The following FAM168A variants were observed in gnomAD, a reference collection of about 807,000 sequenced individuals.
FAM168A encodes family with sequence similarity 168 member A.
Under a neutral mutation model 28.5 loss-of-function variants are expected in FAM168A, and 3 were observed. The observed-to-expected ratio is 0.11, with a 90% CI of 0.05 to 0.27. The LOEUF (loss-of-function observed/expected upper bound fraction) is 0.27, where lower values mean the gene tolerates loss of function less well. Ranked by LOEUF, FAM168A falls within the 10% of genes least tolerant of loss-of-function variation. The probability of loss-of-function intolerance (pLI) is 1.00; values close to 1 mark genes in which losing one functional copy is unlikely to be tolerated. For missense variants in FAM168A, 222 were observed against 311.5 expected (o/e 0.71, Z 2.16); for synonymous variants, 122 against 124.2 (o/e 0.98, Z 0.12).
chr11:73,439,197 C>T (rs1053823435), intron 2 of FAM168A, among the ~76,000 whole-genome samples: 1 of 152,094 alleles, frequency 6.6e-6, no homozygotes, highest in African/African-American at 2.4e-5. Context: ...CAAGGCCCAG[C>T]CACCCAGCCT....
At chr11:73,525,322 G>A (rs925883284) in intron 1 of FAM168A, among the ~76,000 whole-genome samples, 1 of 152,106 alleles carries the variant, frequency 6.6e-6, no homozygotes, top group African/African-American at 2.4e-5. Flanking sequence ...ACTGGGGAAA[G>A]GGACGTTCAA....
intron 1 of FAM168A, among the ~76,000 whole-genome samples, chr11:73,576,232 C>T (rs1944172860): frequency 6.6e-6 from 1 of 152,180 alleles, no homozygotes; most frequent in Non-Finnish European, 1.5e-5. Context: ...AAAAAACTGG[C>T]TCTGTTCTGG....
intron 1 of FAM168A, among the ~76,000 whole-genome samples, chr11:73,583,056 G>A (rs776895810): frequency 1.2e-4 from 18 of 152,138 alleles, no homozygotes; most frequent in Non-Finnish European, 1.6e-4. Context: ...TATAGTCCCA[G>A]CACCTTGGGA....
chr11:73,472,838 C>T (rs576005576), intron 1 of FAM168A, among the ~76,000 whole-genome samples: 37 of 152,214 alleles, frequency 2.4e-4, no homozygotes, highest in South Asian at 1.5e-3. Context: ...ATGCCATTTA[C>T]TGGTGAGAAC....
Position 73,494,526 on chromosome 11 carries a change from G to A in FAM168A, c.-18-26034C>T, listed in dbSNP as rs1164867893. ...CAGAAGGGCTCAGAAAAACCTGGCAGAACCACCCTTGTTTGATGCAGAGGC... is the reference window on the plus strand; with the variant it reads ...CAGAAGGGCTCAGAAAAACCTGGCAAAACCACCCTTGTTTGATGCAGAGGC... On this transcript the variant is annotated intron_variant, in intron 1 of 7. Coordinates refer to ENST00000356467, the MANE Select transcript of FAM168A (RefSeq NM_015159.3). 2.0e-5 allele frequency among the ~76,000 whole-genome samples: 3 copies of A among 152,322 alleles called. No homozygotes were observed. In the East Asian group the frequency reaches 5.8e-4, roughly 29 times the overall value.
intron 2 of FAM168A, among the ~76,000 whole-genome samples, chr11:73,440,688 T>C (rs1867177993): frequency 6.6e-6 from 1 of 152,078 alleles, no homozygotes; most frequent in Admixed American, 6.5e-5. Flanking sequence ...TCCCAGAGAA[T>C]ATCAGTATGA....
intron 1 of FAM168A, among the ~76,000 whole-genome samples, chr11:73,476,511 T>A (rs2134587325): frequency 6.6e-6 from 1 of 152,168 alleles, no homozygotes; most frequent in South Asian, 2.1e-4. Flanking sequence ...ATATATTATC[T>A]AAAATATGTA....
At chr11:73,543,379 G>A (rs539777491) in intron 1 of FAM168A, among the ~76,000 whole-genome samples, 41 of 149,096 alleles carry the variant, frequency 2.7e-4, no homozygotes, top group African/African-American at 9.9e-4. Flanking sequence ...TTCTGCCTCA[G>A]CCTCCCAACT....
At chr11:73,538,867 T>G (rs1363343666) in intron 1 of FAM168A, among the ~76,000 whole-genome samples, 1 of 152,200 alleles carries the variant, frequency 6.6e-6, no homozygotes. Flanking sequence ...CTAGCCACAT[T>G]CATCTAGATT....
intron 2 of FAM168A, among the ~76,000 whole-genome samples, chr11:73,463,134 AT>A (rs1276358038): frequency 3.3e-5 from 5 of 151,494 alleles, no homozygotes; most frequent in Non-Finnish European, 7.4e-5. Context: ...ACATCTGGTT[AT>A]TTTTTGTATT....
At chr11:73,455,104 C>T (rs977778760) in intron 2 of FAM168A, among the ~76,000 whole-genome samples, 6 of 152,234 alleles carry the variant, frequency 3.9e-5, no homozygotes, top group Non-Finnish European at 5.9e-5. Context: ...GTAACACGCC[C>T]TCTGGGGCTT....
At chr11:73,458,831 C>T (rs189064992) in intron 2 of FAM168A, among the ~76,000 whole-genome samples, 3 of 152,232 alleles carry the variant, frequency 2.0e-5, no homozygotes, top group South Asian at 4.1e-4. Flanking sequence ...AGGCTGGTCT[C>T]AAACTCCTGA....
intron 3 of FAM168A, among the ~76,000 whole-genome samples, chr11:73,422,079 G>A (rs571663676): frequency 1.3e-5 from 2 of 152,292 alleles, no homozygotes; most frequent in East Asian, 3.9e-4. Flanking sequence ...GGAGCGCCAC[G>A]GTGGAAGGGA....
intron 4 of FAM168A, among the ~76,000 whole-genome samples, chr11:73,416,422 C>A (rs949503547): frequency 6.6e-6 from 1 of 152,126 alleles, no homozygotes; most frequent in Non-Finnish European, 1.5e-5. Flanking sequence ...CAAAATAAAG[C>A]TCTATGTCTG....
chr11:73,484,687 G>GATATATAGATATAGATATATATAGATAT (rs1565265977), intron 1 of FAM168A, among the ~76,000 whole-genome samples: 16 of 125,032 alleles, frequency 1.3e-4, no homozygotes, highest in African/African-American at 4.6e-4. Context: ...TATCGCTATA[G>GATATATAGATATAGATATATATAGATAT]ATATATAGAT....
intron 1 of FAM168A, among the ~76,000 whole-genome samples, chr11:73,562,901 G>A (rs553862242): frequency 2.4e-4 from 37 of 152,174 alleles, no homozygotes; most frequent in Admixed American, 1.0e-3. Flanking sequence ...CTGAGTACCA[G>A]CTGAGCATAT....
intron 4 of FAM168A, among the ~76,000 whole-genome samples, chr11:73,417,317 ATG>A (rs1866710466): frequency 6.6e-6 from 1 of 152,198 alleles, no homozygotes. Context: ...TCAAGGTCCA[ATG>A]CATGGACATC....
intron 1 of FAM168A, among the ~76,000 whole-genome samples, chr11:73,509,640 G>A (rs1360995192): frequency 6.6e-6 from 1 of 152,122 alleles, no homozygotes; most frequent in Non-Finnish European, 1.5e-5. Context: ...ACTTTATAGA[G>A]GGATCAGTGG....
intron 4 of FAM168A, among the ~76,000 whole-genome samples, chr11:73,416,797 T>A (rs886550900): frequency 6.6e-5 from 10 of 152,018 alleles, no homozygotes; most frequent in Admixed American, 6.6e-4. Context: ...ATTAAAAAAA[T>A]TAGCTGGGCA....
Sources: allele counts gnomAD v4.1 joint callset (sites outside exome capture counted in the v4.1 genomes callset), GRCh38; gene constraint gnomAD v4.1.1; transcripts MANE v1.5; gene names NCBI Gene and HGNC (gene_info 2026-07-23, HGNC 2026-07-21).